LPA: variants seen among roughly 807,000 people sequenced by gnomAD.
The protein encoded by LPA is apolipoprotein(a).
In LPA, 199 loss-of-function variants were observed where a neutral mutation model predicts 197.9. The ratio of observed to expected loss-of-function variants is 1.01; its 90% CI spans 0.90 to 1.13. The LOEUF is 1.13. Among genes scored for constraint, LPA ranks in the 50% most tolerant of loss-of-function variants. The pLI is 0.00. For missense variants in LPA, 1,853 were observed against 1,785.8 expected, an observed-to-expected ratio of 1.04 and a Z score of -0.68; for synonymous variants, 715 against 639.5, an observed-to-expected ratio of 1.12 and a Z score of -1.78.
rs1562331260 is a variant in LPA, at chr6:160,584,233, CT to C, written c.4289+812del. On this transcript the variant is annotated intron_variant, in intron 26 of 38. Coordinates refer to ENST00000316300, the MANE Select transcript of LPA (RefSeq NM_005577.4). ...TCTTCTTCTTCTTCTTCTTCTTCTTCTTCTTCCTCCTCCTCCTCCTCCTCCT... is the reference window on the plus strand; with the variant it reads ...TCTTCTTCTTCTTCTTCTTCTTCTTCTCTTCCTCCTCCTCCTCCTCCTCCT... 6.7e-3 allele frequency among the ~76,000 whole-genome samples: 600 copies of C among 89,402 alleles called. 1 individual carries two copies. The highest frequency in any genetic ancestry group is 0.034 in the Middle Eastern group (6 of 176). 58.7% of individuals were successfully genotyped at this position (89,402 alleles called of 152,430 possible).
Position 160,589,653 on chromosome 6 carries a change from G to A in LPA, c.3847C>T (p.Arg1283Ter), listed in dbSNP as rs773141063. The change falls in exon 24 of 39, where the codon CGA (arginine) becomes TGA (stop). Residue 1283 changes from arginine (R) to a stop codon, truncating the protein, a stop_gained. Transcript: ENST00000316300. LOFTEE classifies it high-confidence loss of function. ...DCYHGDGQSY[R>*]GSFSTTVTGR... is the part of the protein sequence containing the mutation. Reference sequence around the variant, plus strand: ...GTAACAGTGGTGGAGAATGAGCCTCGATAACTCTGTCCATCACCATGGTAG... The same window carrying A: ...GTAACAGTGGTGGAGAATGAGCCTCAATAACTCTGTCCATCACCATGGTAG... 24 of 1,613,958 alleles carry A rather than the reference G, an allele frequency of 1.5e-5. No individual in the cohort carries two copies. The East Asian group carries it at 2.5e-4, about 16-fold the overall frequency.
intron 1 of LPA, among the ~76,000 whole-genome samples, chr6:160,662,827 C>T (rs987492362): frequency 6.6e-5 from 10 of 152,204 alleles, no homozygotes; most frequent in Non-Finnish European, 1.5e-4. Context: ...AAATTGCAAG[C>T]ATCTACCTCC....
chr6:160,557,298 T>C, intron 29 of LPA, 92 bp downstream of exon 29: 1 of 1,445,356 alleles, frequency 6.9e-7, no homozygotes, highest in Non-Finnish European at 9.7e-7. Context: ...CAAGTTTCTG[T>C]GTAGCATGGA....
rs1012741720 is a variant in LPA at position 160,577,253 on chromosome 6, C to T, written c.4514G>A (p.Gly1505Asp). 3 of 1,613,860 alleles carry T rather than the reference C, an allele frequency of 1.9e-6. No homozygotes were observed. The highest frequency in any genetic ancestry group is 1.7e-4 in the Middle Eastern group (1 of 6,060). Residue 1505 changes from glycine (G) to aspartate (D), a missense_variant, in exon 28 of 39, where the codon GGT becomes GAT. Gly to Asp is a moderately conservative substitution (Grantham distance 94). Coordinates refer to ENST00000316300, the MANE Select transcript of LPA (RefSeq NM_005577.4). ...KSPVVQDCYH[G>D]DGRSYRGISS... ...TATGCCTCGATAACTCCGTCCATCACCATGGTAGCAATCCTGGACCACAGG... is the reference window on the plus strand; with the variant it reads ...TATGCCTCGATAACTCCGTCCATCATCATGGTAGCAATCCTGGACCACAGG...
chr6:160,647,282 A>C (rs1779909267), intron 2 of LPA, among the ~76,000 whole-genome samples: 1 of 152,194 alleles, frequency 6.6e-6, no homozygotes, highest in Non-Finnish European at 1.5e-5. Context: ...TTAGGAGGCA[A>C]AGCAGCTGAG....
In LPA at chr6:160,531,503, A is replaced by G. The variant is rs534911129; in HGVS notation, c.*226T>C. ...TTAATTCAAATCAAAATAAGTGCAG[A>G]GTTTATTTTTAACAAATGTCATAGC... On this transcript the variant is annotated 3_prime_UTR_variant, in exon 39 of 39. Transcript: ENST00000316300. 1.4e-5 allele frequency: 8 copies of G among 576,824 alleles called. No individual in the cohort carries two copies. The South Asian group carries it at 1.4e-4, about 10-fold the overall frequency. The allele number at this position is 576,824 out of a possible 1,614,324, so 35.7% of individuals were successfully genotyped here.
At position 160,611,580 on chromosome 6, in the gene LPA, G is replaced by C. The variant is rs1246295330; in HGVS notation, c.2585C>G (p.Pro862Arg). 4.4e-6 allele frequency: 7 copies of C among 1,605,342 alleles called. No homozygotes were observed. The highest frequency in any genetic ancestry group is 5.9e-6 in the Non-Finnish European group (7 of 1,179,004). The change falls in exon 16 of 39, where the codon CCA becomes CGA. Residue 862 changes from proline (P) to arginine (R), a missense_variant. By Grantham distance (103) the Pro-to-Arg change is moderately radical. Coordinates refer to ENST00000316300, the MANE Select transcript of LPA (RefSeq NM_005577.4). ...GACATACGCATTTGGGTAGTATTCT[G>C]GGGTCCGACTATGCGAGTGTGGTGT... ...SMTPHSHSRT[P>R]EYYPNAGLIM...
chr6:160,591,113 A>G lies in LPA; in HGVS notation c.3630-12T>C. 6.2e-7 allele frequency: 1 copy of G among 1,613,164 alleles called. No homozygotes were observed. Among genetic ancestry groups the G allele is most frequent in the Non-Finnish European group, 8.5e-7 (1 of 1,179,822 alleles). On this transcript the variant is annotated splice_polypyrimidine_tract_variant and intron_variant, in intron 22 of 38. Coordinates refer to ENST00000316300, the MANE Select transcript of LPA (RefSeq NM_005577.4). ...TCCTGGTCAGGCCACTGCAAATTAC[A>G]AAACAATACAGTTCACCAGAGATGG...
chr6:160,555,878 T>C (rs1778254304), intron 30 of LPA, 147 bp downstream of exon 30: 1 of 835,198 alleles, frequency 1.2e-6, no homozygotes, highest in Non-Finnish European at 2.0e-6. Flanking sequence ...TCAGACTCTT[T>C]GATCAAAAGC....
In LPA at chr6:160,593,809, C is replaced by T. The variant is rs185736398; in HGVS notation, c.3629+149G>A. On this transcript the variant is annotated intron_variant, in intron 22 of 38. Transcript: ENST00000316300. ...CCTGACATTTCTCTCCTTTCAGACA[C>T]TGTGCCTGAAGAAAGAAGCCTGAGA... is the stretch of plus-strand genomic sequence containing the variant. 3.8e-4 allele frequency: 366 copies of T among 960,456 alleles called. 1 individual carries two copies. In the East Asian group the frequency reaches 4.3e-3, roughly 11 times the overall value. The allele number at this position is 960,456 out of a possible 1,614,324, so 59.5% of individuals were successfully genotyped here. A position where few individuals can be genotyped will look rare whatever the true frequency, so the allele number is the denominator to read the frequency against.
chr6:160,543,400 C>T (rs1249240709), intron 33 of LPA, among the ~76,000 whole-genome samples: 5 of 152,036 alleles, frequency 3.3e-5, no homozygotes, highest in Non-Finnish European at 7.4e-5. Context: ...GTCTCCAGCC[C>T]TTCAAGGTCT....
At chr6:160,610,263 G>A (rs993057232) in intron 16 of LPA, among the ~76,000 whole-genome samples, 13 of 152,138 alleles carry the variant, frequency 8.5e-5, no homozygotes, top group Non-Finnish European at 1.5e-4. Context: ...AGAGAGTTGA[G>A]ATTTCCTCTC....
At chr6:160,615,380 G>GTGTC (rs1779578370) in intron 14 of LPA, among the ~76,000 whole-genome samples, 1 of 126,868 alleles carries the variant, frequency 7.9e-6, no homozygotes. Context: ...GTGTGTGTGT[G>GTGTC]TGTGTAGCTC....
Position 160,553,937 on chromosome 6 carries a change from C to CTGTGTGTGTGTGTGTGTGTG in LPA, c.4973+2087_4973+2088insCACACACACACACACACACA, listed in dbSNP as rs59853609. ...TCTCTCTTTCTCTCTCTCTCTCTCT[C>CTGTGTGTGTGTGTGTGTGTG]TGTGTGTGTGTGTGTGTGCGCGCGC... On this transcript the variant is annotated intron_variant, in intron 30 of 38. Transcript: ENST00000316300. Among the ~76,000 whole-genome samples, 692 of 139,096 alleles carry CTGTGTGTGTGTGTGTGTGTG rather than the reference C, an allele frequency of 5.0e-3. 8 individuals are homozygous for CTGTGTGTGTGTGTGTGTGTG. The highest frequency in any genetic ancestry group is 0.027 in the East Asian group (132 of 4,914). 91.3% of individuals were successfully genotyped at this position (139,096 alleles called of 152,430 possible).
intron 26 of LPA, among the ~76,000 whole-genome samples, chr6:160,584,085 A>G (rs1190844696): frequency 6.6e-6 from 1 of 152,018 alleles, no homozygotes. Context: ...CTGACAACCC[A>G]TATCCCTTCA....
At chr6:160,546,192 C>T (rs1778067460) in intron 32 of LPA, among the ~76,000 whole-genome samples, 1 of 152,214 alleles carries the variant, frequency 6.6e-6, no homozygotes, top group African/African-American at 2.4e-5. Context: ...ACTGTTCAGC[C>T]CCACCCTCCA....
intron 19 of LPA, among the ~76,000 whole-genome samples, chr6:160,600,369 G>C (rs139744060): frequency 1.3e-5 from 2 of 152,258 alleles, no homozygotes; most frequent in East Asian, 3.9e-4. Context: ...TCCCTTCAAA[G>C]CTAAGAACTG....
At chr6:160,595,961 T>A (rs1373498887) in intron 20 of LPA, among the ~76,000 whole-genome samples, 3 of 152,220 alleles carry the variant, frequency 2.0e-5, no homozygotes, top group Non-Finnish European at 4.4e-5. Flanking sequence ...GATTTTGAAG[T>A]GTGTCTTGTA....
intron 20 of LPA, among the ~76,000 whole-genome samples, chr6:160,596,594 A>G (rs983231958): frequency 6.6e-6 from 1 of 152,154 alleles, no homozygotes; most frequent in African/African-American, 2.4e-5. Context: ...CAGAGACATG[A>G]TGCCATTACA....
Sources: allele counts gnomAD v4.1 joint callset (sites outside exome capture counted in the v4.1 genomes callset), GRCh38; gene constraint gnomAD v4.1.1; transcripts MANE v1.5; gene names NCBI Gene and HGNC (gene_info 2026-07-23, HGNC 2026-07-21).